Variants in LRBA observed in about 807,000 individuals in gnomAD.
LRBA encodes LPS responsive beige-like anchor protein.
Under a neutral mutation model 330.0 loss-of-function variants are expected in LRBA, and 176 were observed. That is an observed-to-expected ratio of 0.53 (90% CI 0.47 to 0.60). LRBA has a LOEUF of 0.60. Among genes scored for constraint, LRBA ranks in the 20% least tolerant of loss-of-function variants. The pLI, the probability that LRBA is intolerant of heterozygous loss-of-function variation, is 0.00. For missense variants in LRBA, 3,259 were observed against 3,444.8 expected (o/e 0.95, Z 1.35); for synonymous variants, 1,230 against 1,193.0 (o/e 1.03, Z -0.64).
chr4:150,552,049 T>A (rs757750817), intron 40 of LRBA, among the ~76,000 whole-genome samples: 13 of 152,052 alleles, frequency 8.5e-5, no homozygotes, highest in Non-Finnish European at 1.9e-4. Context: ...CCTAGTTCCC[T>A]CATATGCACA....
chr4:150,991,805 A>G (rs1247370472), intron 2 of LRBA, among the ~76,000 whole-genome samples: 2 of 152,238 alleles, frequency 1.3e-5, no homozygotes, highest in Non-Finnish European at 2.9e-5. Context: ...TATGTAAATC[A>G]TACCTTAATA....
At chr4:150,997,663 A>C (rs1318885514) in intron 2 of LRBA, among the ~76,000 whole-genome samples, 1 of 150,950 alleles carries the variant, frequency 6.6e-6, no homozygotes, top group Admixed American at 6.6e-5. Flanking sequence ...AAAAAACATG[A>C]CTCCTTTATA....
Position 150,707,708 on chromosome 4 carries a change from G to A in LRBA, c.5755-23991C>T, listed in dbSNP as rs546680569. Among the ~76,000 whole-genome samples the A allele has an allele frequency of 8.6e-4, 130 of 151,662 alleles. 1 individual carries two copies. The highest frequency in any genetic ancestry group is 1.5e-3 in the Non-Finnish European group (104 of 67,640). On this transcript the variant is annotated intron_variant, in intron 36 of 56. Transcript: ENST00000651943. ...GGGTGAGACAATAAAGACCATTCTA[G>A]CAAAAAAGTCTGGTAGAATCAAAAA...
intron 40 of LRBA, among the ~76,000 whole-genome samples, chr4:150,509,427 A>T (rs553526764): frequency 6.6e-6 from 1 of 152,184 alleles, no homozygotes; most frequent in South Asian, 2.1e-4. Flanking sequence ...AATTTACAGC[A>T]CTAAATGCAT....
chr4:150,691,169 A>G (rs1290488516), intron 36 of LRBA, among the ~76,000 whole-genome samples: 1 of 151,976 alleles, frequency 6.6e-6, no homozygotes, highest in Non-Finnish European at 1.5e-5. Context: ...TGACCTCATG[A>G]TCTGCCCGCC....
chr4:150,849,039 G>GA lies in LRBA; in HGVS notation c.4159-42dup, dbSNP rs34509882. 609 of 1,362,748 alleles carry GA rather than the reference G, an allele frequency of 4.5e-4. 1 individual carries two copies. Among genetic ancestry groups the GA allele is most frequent in the Admixed American group, 1.3e-3 (51 of 40,306 alleles). 84.4% of individuals were successfully genotyped at this position (1,362,748 alleles called of 1,614,324 possible). A position where few individuals can be genotyped will look rare whatever the true frequency, so the allele number is the denominator to read the frequency against. On this transcript the variant is annotated intron_variant, in intron 25 of 56. Transcript: ENST00000651943. ...TTTGACATTTATATATATATATTCTGAAAAAAAAATTTTACCAGATATAGT... is the reference window on the plus strand; with the variant it reads ...TTTGACATTTATATATATATATTCTGAAAAAAAAAATTTTACCAGATATAGT...
intron 22 of LRBA, among the ~76,000 whole-genome samples, chr4:150,859,061 T>C (rs1327588016): frequency 1.3e-5 from 2 of 152,146 alleles, no homozygotes; most frequent in East Asian, 3.9e-4. Context: ...AGATATTTCA[T>C]TTCTTATGTA....
At chr4:150,643,611 TG>T (rs1355942636) in intron 37 of LRBA, among the ~76,000 whole-genome samples, 1 of 151,974 alleles carries the variant, frequency 6.6e-6, no homozygotes, top group African/African-American at 2.4e-5. Flanking sequence ...AGTCCAGTGT[TG>T]TCAGAGCAAA....
intron 26 of LRBA, among the ~76,000 whole-genome samples, chr4:150,845,582 G>A (rs982748079): frequency 6.6e-6 from 1 of 152,148 alleles, no homozygotes; most frequent in Non-Finnish European, 1.5e-5. Context: ...CTGAGCAAAG[G>A]AGGGAGAGCA....
chr4:150,729,952 T>C (rs565209435), intron 36 of LRBA, among the ~76,000 whole-genome samples: 1 of 152,276 alleles, frequency 6.6e-6, no homozygotes, highest in Admixed American at 6.5e-5. Flanking sequence ...TGCAGAAGAA[T>C]GAACCTTGAT....
intron 37 of LRBA, among the ~76,000 whole-genome samples, chr4:150,639,807 G>GTATA (rs1778412362): frequency 6.7e-5 from 1 of 14,876 alleles, no homozygotes; most frequent in African/African-American, 3.3e-4. Flanking sequence ...ATATATATAT[G>GTATA]TGTGTGTGTG....
At chr4:150,564,202 G>A (rs1005815501) in intron 40 of LRBA, among the ~76,000 whole-genome samples, 1 of 152,052 alleles carries the variant, frequency 6.6e-6, no homozygotes, top group Non-Finnish European at 1.5e-5. Context: ...AAGACCAATG[G>A]AACAGAACAG....
intron 4 of LRBA, among the ~76,000 whole-genome samples, chr4:150,926,961 C>T (rs1164449925): frequency 6.6e-6 from 1 of 151,592 alleles, no homozygotes; most frequent in Non-Finnish European, 1.5e-5. Flanking sequence ...ATCCCAGCAA[C>T]TCAGGAGGCT....
chr4:150,506,328 G>C (rs567847373), intron 40 of LRBA, among the ~76,000 whole-genome samples: 1 of 152,204 alleles, frequency 6.6e-6, no homozygotes, highest in East Asian at 1.9e-4. Flanking sequence ...AAAATCCTCA[G>C]TAAAATACTG....
chr4:150,566,076 A>G (rs1206459619), intron 40 of LRBA, among the ~76,000 whole-genome samples: 4 of 151,614 alleles, frequency 2.6e-5, no homozygotes, highest in Non-Finnish European at 4.4e-5. Flanking sequence ...AAAAAAAAAA[A>G]AATGTAGTCA....
chr4:150,917,889 A>G (rs1428407563), intron 5 of LRBA, among the ~76,000 whole-genome samples: 1 of 152,096 alleles, frequency 6.6e-6, no homozygotes, highest in Non-Finnish European at 1.5e-5. Context: ...AGATCATGCC[A>G]TTGCACTCCA....
intron 2 of LRBA, among the ~76,000 whole-genome samples, chr4:150,999,712 CA>C (rs75623464): frequency 0.063 from 8,881 of 141,618 alleles, 776 homozygotes; most frequent in African/African-American, 0.21. Context: ...AAAAACAAAA[CA>C]AAAAAAAAAA....
chr4:150,469,049 TC>T (rs1417127229), intron 43 of LRBA, among the ~76,000 whole-genome samples: 1 of 151,830 alleles, frequency 6.6e-6, no homozygotes, highest in Non-Finnish European at 1.5e-5. Flanking sequence ...AATTTTATGC[TC>T]CCCCACTTCC....
intron 47 of LRBA, among the ~76,000 whole-genome samples, chr4:150,361,920 C>T (rs577201863): frequency 4.9e-4 from 75 of 151,954 alleles, no homozygotes; most frequent in Non-Finnish European, 9.0e-4. Flanking sequence ...TATAGGCACC[C>T]GCCACCACGC....
Sources: gnomAD v4.1 joint callset for allele counts (sites outside exome capture counted in the v4.1 genomes callset) on GRCh38, gnomAD v4.1.1 for gene constraint, MANE v1.5 for transcripts, NCBI Gene and HGNC (gene_info 2026-07-23, HGNC 2026-07-21) for gene names.